Variants in XXYLT1 observed in about 807,000 individuals in gnomAD.
The protein encoded by XXYLT1 is UDP-xylose:alpha-xyloside alpha-1,3-xylosyltransferase.
In XXYLT1, 20 loss-of-function variants were observed where a neutral mutation model predicts 28.9. That is an observed-to-expected ratio of 0.69 (90% CI 0.49 to 1.00). The LOEUF (loss-of-function observed/expected upper bound fraction) is 1.00, where lower values mean the gene tolerates loss of function less well. Among genes scored for constraint, XXYLT1 ranks in the 50% least tolerant of loss-of-function variants. The pLI is 0.00. For synonymous variants in XXYLT1, 257 were observed against 253.8 expected (o/e 1.01, Z -0.12); for missense variants, 542 against 560.1 (o/e 0.97, Z 0.33).
chr3:195,088,385 C>T (rs576635812), intron 3 of XXYLT1, among the ~76,000 whole-genome samples: 1 of 146,750 alleles, frequency 6.8e-6, no homozygotes, highest in Non-Finnish European at 1.5e-5. Context: ...CCCCTGACCC[C>T]CGAGCAGCCT....
chr3:195,123,352 C>G (rs539308208), intron 3 of XXYLT1, among the ~76,000 whole-genome samples: 8 of 152,324 alleles, frequency 5.3e-5, no homozygotes, highest in South Asian at 4.1e-4. Context: ...GCAAGCCCCC[C>G]TCTCCTGGCC....
At position 195,255,038 on chromosome 3, in the gene XXYLT1, G is replaced by A. The variant is rs1381798420; in HGVS notation, c.504+15517C>T. ...CAGGAAAGAGAAAGAAGTCAGACTC[G>A]GACCCTGTCCCCAACTGCCCCAGGC... On this transcript the variant is annotated intron_variant, in intron 1 of 3. Coordinates refer to ENST00000310380, the MANE Select transcript of XXYLT1 (RefSeq NM_152531.5). This position sits in a 1 kb window ranked among gnomAD's most constrained non-coding sequence, Gnocchi z 4.5. Among the ~76,000 whole-genome samples, 2 of 152,080 alleles carry A rather than the reference G, an allele frequency of 1.3e-5. No individual in the cohort carries two copies. The highest frequency in any genetic ancestry group is 2.1e-4 in the South Asian group (1 of 4,826).
intron 3 of XXYLT1, 52 bp from the exon 4 acceptor site, chr3:195,070,163 C>A (rs377576824): frequency 4.7e-6 from 7 of 1,499,682 alleles, no homozygotes; most frequent in Non-Finnish European, 6.2e-6. Flanking sequence ...ACCAGCCTGC[C>A]GGCCTGCTGC....
At chr3:195,213,390 G>A (rs558215194) in intron 2 of XXYLT1, among the ~76,000 whole-genome samples, 26 of 151,194 alleles carry the variant, frequency 1.7e-4, no homozygotes, top group East Asian at 9.8e-4. Flanking sequence ...TCAGCCTCCC[G>A]AGTAGCTGGG....
intron 2 of XXYLT1, among the ~76,000 whole-genome samples, chr3:195,157,382 G>A (rs553534640): frequency 1.2e-4 from 19 of 152,056 alleles, no homozygotes; most frequent in African/African-American, 4.6e-4. Flanking sequence ...TGCAAACCCA[G>A]ATGTGTGTCA....
At chr3:195,104,589 G>A (rs912665885) in intron 3 of XXYLT1, among the ~76,000 whole-genome samples, 5 of 152,144 alleles carry the variant, frequency 3.3e-5, no homozygotes, top group Non-Finnish European at 7.4e-5. Flanking sequence ...GACGAGGCGG[G>A]GACCCGGGAG....
chr3:195,117,751 G>A (rs976256132), intron 3 of XXYLT1, among the ~76,000 whole-genome samples: 2 of 152,196 alleles, frequency 1.3e-5, no homozygotes, highest in African/African-American at 4.8e-5. Flanking sequence ...CTCAGCTCTT[G>A]TGGGTAGCTG....
At chr3:195,261,887 G>C (rs1351585260) in intron 1 of XXYLT1, among the ~76,000 whole-genome samples, 1 of 152,180 alleles carries the variant, frequency 6.6e-6, no homozygotes, top group Admixed American at 6.5e-5. Context: ...TGAGGATGTG[G>C]AGAAATCAGG....
intron 1 of XXYLT1, among the ~76,000 whole-genome samples, chr3:195,264,538 C>A (rs1230556030): frequency 1.3e-5 from 2 of 152,376 alleles, no homozygotes; most frequent in Non-Finnish European, 2.9e-5. Flanking sequence ...GCTATCTCTG[C>A]AGCCTGCTTT....
intron 1 of XXYLT1, among the ~76,000 whole-genome samples, chr3:195,230,527 T>C (rs1724255842): frequency 6.6e-6 from 1 of 151,476 alleles, no homozygotes. Flanking sequence ...TGGTCTTAGA[T>C]TTAAGTCTTT....
chr3:195,165,732 G>A (rs536402146), intron 2 of XXYLT1, among the ~76,000 whole-genome samples: 1 of 152,214 alleles, frequency 6.6e-6, no homozygotes, highest in Admixed American at 6.5e-5. Context: ...TATTGGTGCT[G>A]TTGATACTAC....
chr3:195,077,400 G>A lies in XXYLT1; in HGVS notation c.786-7289C>T, dbSNP rs1159234900. 1.3e-5 allele frequency among the ~76,000 whole-genome samples: 2 copies of A among 152,162 alleles called. No homozygotes were observed. The highest frequency in any genetic ancestry group is 1.9e-4 in the East Asian group (1 of 5,190). On this transcript the variant is annotated intron_variant, in intron 3 of 3. Transcript: ENST00000310380. The surrounding 1 kb of genome is among the most constrained non-coding windows in gnomAD (Gnocchi z 4.8). Reference sequence around the variant, plus strand: ...CTCTGCGCTGACCCTGCCCAGCAGCGTGCCCTGAGGAGCAGCCCTGCCTGT... The same window carrying A: ...CTCTGCGCTGACCCTGCCCAGCAGCATGCCCTGAGGAGCAGCCCTGCCTGT...
chr3:195,123,311 T>C (rs984455208), intron 3 of XXYLT1, among the ~76,000 whole-genome samples: 1 of 152,170 alleles, frequency 6.6e-6, no homozygotes, highest in Admixed American at 6.5e-5. Flanking sequence ...AACCCCGCCA[T>C]CAGCATCCAC....
intron 2 of XXYLT1, among the ~76,000 whole-genome samples, chr3:195,159,866 C>T (rs62285226): frequency 0.12 from 18,936 of 152,052 alleles, 1,702 homozygotes; most frequent in East Asian, 0.41. Flanking sequence ...TTGGAATTGG[C>T]GGTGGTGGAT....
rs544937013 is a variant in XXYLT1, at chr3:195,129,132, G to T, written c.785+27317C>A. Among the ~76,000 whole-genome samples, 1 of 152,160 alleles carries T rather than the reference G, an allele frequency of 6.6e-6. No individual in the cohort carries two copies. Among genetic ancestry groups the T allele is most frequent in the African/African-American group, 2.4e-5 (1 of 41,432 alleles). On this transcript the variant is annotated intron_variant, in intron 3 of 3. Coordinates refer to ENST00000310380, the MANE Select transcript of XXYLT1 (RefSeq NM_152531.5). This position sits in a 1 kb window ranked among gnomAD's most constrained non-coding sequence, Gnocchi z 4.4. ...AAAAATATTGTGTGGGGGGAAGGTC[G>T]CGGCTAACATAGAGAGGGACAGCAG...
intron 1 of XXYLT1, among the ~76,000 whole-genome samples, chr3:195,262,351 G>A (rs1725721876): frequency 6.6e-6 from 1 of 152,206 alleles, no homozygotes; most frequent in Admixed American, 6.5e-5. Flanking sequence ...GGAGGGTGAT[G>A]CTAATGGATA....
chr3:195,229,001 C>T lies in XXYLT1; in HGVS notation c.505-2145G>A, dbSNP rs146717937. ...CTAATTCTTCTACTTTTAGTAGAGA[C>T]AGGGTTTCACCATGTTGGCTAGGCT... is the stretch of plus-strand genomic sequence containing the variant. On this transcript the variant is annotated intron_variant, in intron 1 of 3. Transcript: ENST00000310380. 1.6e-3 allele frequency among the ~76,000 whole-genome samples: 240 copies of T among 151,928 alleles called. 2 individuals carry two copies. Among genetic ancestry groups the T allele is most frequent in the Non-Finnish European group, 4.1e-4 (28 of 67,954 alleles).
Position 195,257,373 on chromosome 3 carries a change from G to A in XXYLT1, c.504+13182C>T, listed in dbSNP as rs772133449. Among the ~76,000 whole-genome samples the A allele has an allele frequency of 1.2e-4, 19 of 152,246 alleles. No individual in the cohort carries two copies. The highest frequency in any genetic ancestry group is 2.4e-4 in the Non-Finnish European group (16 of 68,034). ...CCCCCAGCAGCTGGCAGAAGGGCCA[G>A]TGTCAGCTCGGCAGGAGCCAGGGGA... On this transcript the variant is annotated intron_variant, in intron 1 of 3. Coordinates refer to ENST00000310380, the MANE Select transcript of XXYLT1 (RefSeq NM_152531.5). The surrounding 1 kb of genome is among the most constrained non-coding windows in gnomAD (Gnocchi z 4.3).
chr3:195,226,683 C>A (rs770222203), intron 2 of XXYLT1, 26 bp downstream of exon 2: 2 of 1,608,234 alleles, frequency 1.2e-6, no homozygotes, highest in Admixed American at 3.4e-5. Flanking sequence ...CACCCAGGGG[C>A]TATTGCTCCT....
Sources: allele counts gnomAD v4.1 joint callset (sites outside exome capture counted in the v4.1 genomes callset), GRCh38; gene constraint gnomAD v4.1.1; non-coding constraint Gnocchi (gnomAD v3.1); transcripts MANE v1.5; gene names NCBI Gene and HGNC (gene_info 2026-07-23, HGNC 2026-07-21).